NTRK3: variants seen among roughly 807,000 people sequenced by gnomAD.
NTRK3 encodes the protein NT-3 growth factor receptor.
A neutral mutation model predicts 91.7 loss-of-function variants in NTRK3; 24 were observed. The observed-to-expected ratio is 0.26, with a 90% CI of 0.19 to 0.37. The LOEUF (loss-of-function observed/expected upper bound fraction) is 0.37, where lower values mean the gene tolerates loss of function less well. NTRK3 is among the 10% of genes least tolerant of loss of function. The pLI, the probability that NTRK3 is intolerant of heterozygous loss-of-function variation, is 1.00. For synonymous variants in NTRK3, 483 were observed against 404.0 expected, an observed-to-expected ratio of 1.20 and a Z score of -2.34; for missense variants, 880 against 1,068.9, an observed-to-expected ratio of 0.82 and a Z score of 2.46.
At chr15:87,922,395 C>T (rs2141849497) in intron 17 of NTRK3, among the ~76,000 whole-genome samples, 1 of 152,304 alleles carries the variant, frequency 6.6e-6, no homozygotes, top group East Asian at 1.9e-4. Context: ...ACCTCAGGTC[C>T]TCCCATTAAA....
chr15:87,896,087 G>A (rs1053671446), intron 17 of NTRK3, among the ~76,000 whole-genome samples: 1 of 151,998 alleles, frequency 6.6e-6, no homozygotes, highest in Non-Finnish European at 1.5e-5. Context: ...GAGGTACCCC[G>A]ACCACATTGG....
intron 17 of NTRK3, among the ~76,000 whole-genome samples, chr15:87,907,080 T>C (rs1024062868): frequency 4.6e-5 from 7 of 152,216 alleles, no homozygotes; most frequent in African/African-American, 9.6e-5. Context: ...GGTCCAACTT[T>C]AGACAATCAA....
At chr15:88,203,626 A>C (rs1202131471) in intron 3 of NTRK3, among the ~76,000 whole-genome samples, 2 of 152,222 alleles carry the variant, frequency 1.3e-5, no homozygotes, top group African/African-American at 4.8e-5. Flanking sequence ...AATGTTCAAT[A>C]GATCAGTAGG....
Position 88,243,566 on chromosome 15 carries a change from ACAC to A in NTRK3, c.248+12337_248+12339del. 6.6e-6 allele frequency among the ~76,000 whole-genome samples: 1 copy of A among 150,618 alleles called. No individual in the cohort carries two copies. Among genetic ancestry groups the A allele is most frequent in the Non-Finnish European group, 1.5e-5 (1 of 67,588 alleles). On this transcript the variant is annotated intron_variant, in intron 3 of 18. Transcript: ENST00000394480. The surrounding 1 kb of genome is among the most constrained non-coding windows in gnomAD (Gnocchi z 4.8). ...CACACACACACACACACACACACAC[ACAC>A]ACACACACTGAGCAAAAGGTATTCA... is the stretch of plus-strand genomic sequence containing the variant.
At chr15:88,071,533 A>G (rs1276665900) in intron 13 of NTRK3, among the ~76,000 whole-genome samples, 1 of 152,246 alleles carries the variant, frequency 6.6e-6, no homozygotes, top group Non-Finnish European at 1.5e-5. Flanking sequence ...TACAGCTGAG[A>G]TAAGGAAAAA....
In NTRK3 at chr15:88,075,289, C is replaced by T. The variant is rs535677888; in HGVS notation, c.1397-42244G>A. 9.8e-5 allele frequency among the ~76,000 whole-genome samples: 15 copies of T among 152,350 alleles called. No individual in the cohort carries two copies. The East Asian group carries it at 2.3e-3, about 24-fold the overall frequency. ...AGGGTCAACAACTCTATCTGCATGA[C>T]GTCAGCCCCTGTCTAGCCGGGAACT... On this transcript the variant is annotated intron_variant, in intron 13 of 18. Transcript: ENST00000394480.
chr15:88,154,744 T>C (rs1025073965), intron 5 of NTRK3, among the ~76,000 whole-genome samples: 2 of 152,212 alleles, frequency 1.3e-5, no homozygotes, highest in Non-Finnish European at 2.9e-5. Flanking sequence ...ATCTGAGGTC[T>C]GCAATATGTT....
intron 17 of NTRK3, among the ~76,000 whole-genome samples, chr15:87,903,572 A>T (rs1190286316): frequency 1.3e-5 from 2 of 152,220 alleles, no homozygotes; most frequent in African/African-American, 4.8e-5. Flanking sequence ...GGCAACTGAG[A>T]GTTCAAAGAT....
chr15:88,159,033 G>A (rs754916037), intron 5 of NTRK3, among the ~76,000 whole-genome samples: 12 of 152,230 alleles, frequency 7.9e-5, no homozygotes, highest in Non-Finnish European at 1.5e-4. Flanking sequence ...GGCTGAGAGA[G>A]AGCTGCCCAG....
chr15:87,960,899 T>C (rs936548203), intron 14 of NTRK3, among the ~76,000 whole-genome samples: 1 of 152,226 alleles, frequency 6.6e-6, no homozygotes, highest in Non-Finnish European at 1.5e-5. Flanking sequence ...CATATCATTC[T>C]TCTGCTTCCC....
chr15:87,889,682 A>G (rs1235983147), intron 17 of NTRK3, among the ~76,000 whole-genome samples: 4 of 151,898 alleles, frequency 2.6e-5, no homozygotes, highest in Admixed American at 6.6e-5. Context: ...AGCCTAAAAT[A>G]TTTACTATGT....
intron 14 of NTRK3, among the ~76,000 whole-genome samples, chr15:88,002,398 C>T (rs2076174535): frequency 6.6e-6 from 1 of 151,956 alleles, no homozygotes; most frequent in Admixed American, 6.6e-5. Flanking sequence ...AATGGTGAAT[C>T]TGTGATAGTG....
Position 88,148,716 on chromosome 15 carries a change from C to A in NTRK3, c.396-1313G>T, listed in dbSNP as rs1055994135. 2.6e-5 allele frequency among the ~76,000 whole-genome samples: 4 copies of A among 152,118 alleles called. 1 individual carries two copies. Among genetic ancestry groups the A allele is most frequent in the African/African-American group, 9.7e-5 (4 of 41,396 alleles). On this transcript the variant is annotated intron_variant, in intron 5 of 18. Transcript: ENST00000394480. The stretch of plus-strand genomic sequence containing the variant: ...TGGGAAGGCACTGGATGGTTCTCAG[C>A]AGAGAAGTGACCTAGTCTAATTACC...
In NTRK3 at chr15:87,877,123, G is replaced by A. The variant is rs755078492; in HGVS notation, c.2293-3C>T. 66 of 1,613,770 alleles carry A rather than the reference G, an allele frequency of 4.1e-5. No individual in the cohort carries two copies. Among genetic ancestry groups the A allele is most frequent in the Middle Eastern group, 3.3e-4 (2 of 6,006 alleles). On this transcript the variant is annotated splice_region_variant and splice_polypyrimidine_tract_variant and intron_variant, in intron 18 of 18. Coordinates refer to ENST00000394480, the Ensembl canonical transcript of NTRK3. Reference sequence around the variant, plus strand: ...CCTTGGGTAATGCACTCAATGACCTGAAAGAGTGAGAAGAACAAGGAAGTT... The same window carrying A: ...CCTTGGGTAATGCACTCAATGACCTAAAAGAGTGAGAAGAACAAGGAAGTT...
At chr15:88,118,930 C>A (rs2052402780) in intron 13 of NTRK3, among the ~76,000 whole-genome samples, 1 of 152,206 alleles carries the variant, frequency 6.6e-6, no homozygotes, top group Non-Finnish European at 1.5e-5. Context: ...GGCTATAGAG[C>A]CAAGCATAGT....
intron 17 of NTRK3, among the ~76,000 whole-genome samples, chr15:87,905,178 C>T (rs576040683): frequency 4.6e-5 from 7 of 152,262 alleles, no homozygotes; most frequent in African/African-American, 1.4e-4. Context: ...TTCTCTCTAC[C>T]CCTATGACAC....
At chr15:87,949,589 G>A (rs2070901029) in intron 14 of NTRK3, among the ~76,000 whole-genome samples, 1 of 152,158 alleles carries the variant, frequency 6.6e-6, no homozygotes, top group South Asian at 2.1e-4. Context: ...AAGAAGTTCA[G>A]AAGCTGAGGC....
At chr15:87,997,862 T>C (rs1320834553) in intron 14 of NTRK3, among the ~76,000 whole-genome samples, 1 of 152,156 alleles carries the variant, frequency 6.6e-6, no homozygotes, top group African/African-American at 2.4e-5. Flanking sequence ...AGCTGTAGAA[T>C]GAGAACCAGA....
chr15:88,097,358 A>G (rs1032673439), intron 13 of NTRK3, among the ~76,000 whole-genome samples: 3 of 152,202 alleles, frequency 2.0e-5, no homozygotes, highest in Non-Finnish European at 4.4e-5. Context: ...GTGATTATGT[A>G]TATGTCTACC....
Sources: allele counts gnomAD v4.1 joint callset (sites outside exome capture counted in the v4.1 genomes callset), GRCh38; gene constraint gnomAD v4.1.1; non-coding constraint Gnocchi (gnomAD v3.1); transcripts MANE v1.5; gene names NCBI Gene and HGNC (gene_info 2026-07-23, HGNC 2026-07-21).